Variants in COMMD10 observed in about 807,000 individuals in gnomAD.
COMMD10 encodes the protein COMM domain-containing protein 10.
In COMMD10, 33 loss-of-function variants were observed where a neutral mutation model predicts 28.9. The observed-to-expected ratio is 1.14, with a 90% CI of 0.87 to 1.53. COMMD10 has a LOEUF of 1.53. Among genes scored for constraint, COMMD10 ranks in the 40% most tolerant of loss-of-function variants. The probability of loss-of-function intolerance (pLI) is 0.00; values close to 1 mark genes in which losing one functional copy is unlikely to be tolerated. For synonymous variants in COMMD10, 110 were observed against 81.7 expected (o/e 1.35, Z -1.87); for missense variants, 310 against 233.4 (o/e 1.33, Z -2.14).
chr5:116,183,889 T>A (rs1748055498), intron 5 of COMMD10, among the ~76,000 whole-genome samples: 1 of 152,102 alleles, frequency 6.6e-6, no homozygotes, highest in African/African-American at 2.4e-5. Flanking sequence ...TGAGGTAGGA[T>A]GTTTTTGAGA....
intron 5 of COMMD10, among the ~76,000 whole-genome samples, chr5:116,282,412 A>G (rs1032544481): frequency 6.6e-6 from 1 of 151,878 alleles, no homozygotes; most frequent in African/African-American, 2.4e-5. Context: ...TTCATTTCCA[A>G]ATAAAAGCCA....
chr5:116,118,135 C>G (rs1321518757), intron 4 of COMMD10, among the ~76,000 whole-genome samples: 4 of 152,330 alleles, frequency 2.6e-5, no homozygotes, highest in African/African-American at 7.2e-5. Context: ...GCTGGATGTT[C>G]ATAGGGCTGG....
intron 5 of COMMD10, among the ~76,000 whole-genome samples, chr5:116,277,584 A>G (rs1382382559): frequency 2.0e-5 from 3 of 151,952 alleles, no homozygotes; most frequent in Non-Finnish European, 4.4e-5. Flanking sequence ...GCAGTTTACA[A>G]TGGATTTTCA....
intron 4 of COMMD10, among the ~76,000 whole-genome samples, chr5:116,123,673 A>C (rs1392413279): frequency 6.6e-6 from 1 of 152,136 alleles, no homozygotes; most frequent in African/African-American, 2.4e-5. Flanking sequence ...CCTCTGGTAG[A>C]TTTCAGCTAT....
At chr5:116,251,286 A>T (rs150014726) in intron 5 of COMMD10, among the ~76,000 whole-genome samples, 2,225 of 128,722 alleles carry the variant, frequency 0.017, 59 homozygotes, top group African/African-American at 0.063. Flanking sequence ...TTATTTATTT[A>T]TTTATTTATT....
chr5:116,248,069 G>A (rs1750006143), intron 5 of COMMD10, among the ~76,000 whole-genome samples: 1 of 150,978 alleles, frequency 6.6e-6, no homozygotes, highest in African/African-American at 2.4e-5. Flanking sequence ...GCAAACAAAA[G>A]AATCATATTC....
chr5:116,136,611 G>C (rs568619621), intron 5 of COMMD10, among the ~76,000 whole-genome samples: 1 of 152,134 alleles, frequency 6.6e-6, no homozygotes, highest in Non-Finnish European at 1.5e-5. Context: ...AGGAATAAAA[G>C]AGTAATGCTT....
chr5:116,196,420 C>T (rs536238879), intron 5 of COMMD10, among the ~76,000 whole-genome samples: 1 of 151,710 alleles, frequency 6.6e-6, no homozygotes, highest in South Asian at 2.1e-4. Context: ...GATGGGTGCA[C>T]CAAAATCTCA....
chr5:116,180,661 G>C (rs550439185), intron 5 of COMMD10, among the ~76,000 whole-genome samples: 6 of 151,482 alleles, frequency 4.0e-5, no homozygotes, highest in African/African-American at 1.5e-4. Context: ...AACGAATTTA[G>C]TGAAACCAAA....
chr5:116,091,286 G>A (rs1037465333), intron 3 of COMMD10, 97 bp downstream of exon 3: 2 of 555,496 alleles, frequency 3.6e-6, no homozygotes, highest in African/African-American at 3.9e-5. Context: ...TAATTAAAAA[G>A]TATGCAAGAT....
intron 5 of COMMD10, among the ~76,000 whole-genome samples, chr5:116,239,272 T>A (rs552807123): frequency 1.4e-4 from 22 of 152,326 alleles, no homozygotes; most frequent in African/African-American, 5.3e-4. Flanking sequence ...AAATACTTTT[T>A]AAATATGCTT....
intron 2 of COMMD10, among the ~76,000 whole-genome samples, chr5:116,090,723 C>G (rs4921057): frequency 0.74 from 112,273 of 152,088 alleles, 41,856 homozygotes; most frequent in Non-Finnish European, 0.8. Flanking sequence ...ATGAAAATCA[C>G]ACCCAAGAAA....
At chr5:116,253,035 C>G (rs1370008658) in intron 5 of COMMD10, among the ~76,000 whole-genome samples, 1 of 82,882 alleles carries the variant, frequency 1.2e-5, no homozygotes, top group African/African-American at 3.5e-5. Context: ...AAGTTGGATT[C>G]CTAGGTATTT....
chr5:116,117,065 A>G (rs1414759773), intron 4 of COMMD10, among the ~76,000 whole-genome samples: 1 of 152,160 alleles, frequency 6.6e-6, no homozygotes, highest in Non-Finnish European at 1.5e-5. Flanking sequence ...CTGTCACTCA[A>G]AATAATTTTT....
intron 5 of COMMD10, among the ~76,000 whole-genome samples, chr5:116,233,934 T>G (rs1749593906): frequency 6.6e-6 from 1 of 152,156 alleles, no homozygotes; most frequent in Non-Finnish European, 1.5e-5. Flanking sequence ...AGAAGGGTTC[T>G]AGAAGAATCC....
chr5:116,157,939 CTTT>C (rs76882415), intron 5 of COMMD10, among the ~76,000 whole-genome samples: 4 of 138,094 alleles, frequency 2.9e-5, no homozygotes, highest in East Asian at 4.3e-4. Flanking sequence ...CTTTCCTTTA[CTTT>C]TTTTTTTTTT....
chr5:116,185,367 A>G (rs1034699557), intron 5 of COMMD10, among the ~76,000 whole-genome samples: 1 of 152,158 alleles, frequency 6.6e-6, no homozygotes, highest in Admixed American at 6.6e-5. Context: ...CAGAGCAGCT[A>G]TACTTTTCTG....
At chr5:116,125,255 A>C (rs112099453) in intron 4 of COMMD10, among the ~76,000 whole-genome samples, 8,195 of 152,184 alleles carry the variant, frequency 0.054, 313 homozygotes, top group African/African-American at 0.11. Context: ...CCTGGTAGTG[A>C]CAAAGTCTGT....
chr5:116,211,182 T>A (rs1204957221), intron 5 of COMMD10, among the ~76,000 whole-genome samples: 1 of 152,076 alleles, frequency 6.6e-6, no homozygotes, highest in Non-Finnish European at 1.5e-5. Context: ...GTATGTATAT[T>A]TGTATGTATA....
Sources: allele counts gnomAD v4.1 joint callset (sites outside exome capture counted in the v4.1 genomes callset), GRCh38; gene constraint gnomAD v4.1.1; transcripts MANE v1.5; gene names NCBI Gene and HGNC (gene_info 2026-07-23, HGNC 2026-07-21).